SLC29A3: variants seen among roughly 807,000 people sequenced by gnomAD.
SLC29A3 encodes equilibrative nucleoside transporter 3.
SLC29A3 carries 18 observed loss-of-function variants against 25.4 expected under a neutral mutation model. The ratio of observed to expected loss-of-function variants is 0.71; its 90% CI spans 0.49 to 1.05. The LOEUF (loss-of-function observed/expected upper bound fraction) is 1.05. Among genes scored for constraint, SLC29A3 ranks in the 50% least tolerant of loss-of-function variants. SLC29A3 has a pLI of 0.00. For missense variants in SLC29A3, 586 were observed against 609.0 expected, an observed-to-expected ratio of 0.96 and a Z score of 0.40; for synonymous variants, 258 against 267.1, an observed-to-expected ratio of 0.97 and a Z score of 0.33.
intron 1 of SLC29A3, among the ~76,000 whole-genome samples, chr10:71,321,834 G>A (rs984766740): frequency 1.3e-5 from 2 of 152,218 alleles, no homozygotes; most frequent in African/African-American, 2.4e-5. Context: ...TGTAGGGTGT[G>A]ATGAGCAGAG....
At chr10:71,323,177 G>A in intron 2 of SLC29A3, 123 bp downstream of exon 2, 1 of 1,293,042 alleles carries the variant, frequency 7.7e-7, no homozygotes, top group Non-Finnish European at 1.1e-6. Flanking sequence ...GTTTAGCTTG[G>A]GAAGAAGATG....
chr10:71,344,804 C>T (rs1846521389), intron 3 of SLC29A3, among the ~76,000 whole-genome samples: 2 of 152,192 alleles, frequency 1.3e-5, no homozygotes, highest in Admixed American at 6.5e-5. Context: ...CATAGACCCC[C>T]GTGGGTGACT....
chr10:71,322,647 C>G, intron 1 of SLC29A3, 109 bp from the exon 2 acceptor site: 1 of 1,325,258 alleles, frequency 7.5e-7, no homozygotes, highest in Non-Finnish European at 1.1e-6. Flanking sequence ...TTACAGAGCC[C>G]AGGGTGAGGG....
intron 2 of SLC29A3, among the ~76,000 whole-genome samples, chr10:71,342,650 C>T (rs985855307): frequency 2.0e-5 from 3 of 152,238 alleles, no homozygotes; most frequent in Non-Finnish European, 2.9e-5. Flanking sequence ...GCAGCCCTCT[C>T]CTCCTAAGGG....
At chr10:71,340,653 T>A (rs1181421040) in intron 2 of SLC29A3, among the ~76,000 whole-genome samples, 1 of 152,240 alleles carries the variant, frequency 6.6e-6, no homozygotes, top group Non-Finnish European at 1.5e-5. Context: ...GGGGCAGTCT[T>A]GTTACCATCC....
intron 2 of SLC29A3, among the ~76,000 whole-genome samples, chr10:71,333,839 G>A (rs940365759): frequency 6.6e-6 from 1 of 152,218 alleles, no homozygotes; most frequent in African/African-American, 2.4e-5. Context: ...CTCGTGCATG[G>A]ATCCGTGAGG....
At chr10:71,351,366 A>G (rs1846753008) in intron 3 of SLC29A3, among the ~76,000 whole-genome samples, 196 bp from the exon 4 acceptor site, 2 of 152,220 alleles carry the variant, frequency 1.3e-5, no homozygotes, top group African/African-American at 4.8e-5. Flanking sequence ...AGCTGAAACC[A>G]GAGCAACTGA....
At chr10:71,363,813 CT>C (rs557109219), downstream of SLC29A3, among the ~76,000 whole-genome samples, 15 of 118,200 alleles carry the variant, frequency 1.3e-4, no homozygotes, top group Admixed American at 2.9e-4. Context: ...TTTTTCTTTT[CT>C]TTTTTTTTTT....
At chr10:71,353,988 G>A (rs1846829746) in intron 4 of SLC29A3, among the ~76,000 whole-genome samples, 1 of 152,176 alleles carries the variant, frequency 6.6e-6, no homozygotes. Flanking sequence ...GGCAGCTGGG[G>A]AGTGTCTTAC....
intron 5 of SLC29A3, among the ~76,000 whole-genome samples, chr10:71,361,080 G>A (rs2131850089): frequency 6.6e-6 from 1 of 152,310 alleles, no homozygotes; most frequent in East Asian, 1.9e-4. Context: ...ATGTAACTGT[G>A]TGAGTGTTGT....
At chr10:71,369,112 G>A (rs2248674) in intron 3 of SLC29A3, among the ~76,000 whole-genome samples, 136,453 of 152,270 alleles carry the variant, frequency 0.9, 61,605 homozygotes, top group Middle Eastern at 0.95. Flanking sequence ...CCCCTGTGCC[G>A]TGTGAGAACA....
At chr10:71,366,538 G>T (rs1847171942), downstream of SLC29A3, among the ~76,000 whole-genome samples, 1 of 152,122 alleles carries the variant, frequency 6.6e-6, no homozygotes, top group African/African-American at 2.4e-5. Context: ...CAACCAGTGG[G>T]TGACAGGGAT....
intron 2 of SLC29A3, among the ~76,000 whole-genome samples, chr10:71,339,423 A>C (rs1846337672): frequency 1.3e-5 from 2 of 152,182 alleles, no homozygotes; most frequent in Admixed American, 6.5e-5. Flanking sequence ...GGGAGATCAG[A>C]TCTCACATTC....
rs185779852 is a variant in SLC29A3, at chr10:71,362,733, G to A, written c.*125G>A. On this transcript the variant is annotated 3_prime_UTR_variant, in exon 6 of 6. Transcript: ENST00000373189. The stretch of plus-strand genomic sequence containing the variant: ...TGGGGACAGAGAGCAGAGCACACTC[G>A]GGCCTCATCCCTCCCAAGATGCCAG... 31 of 1,301,872 alleles carry A rather than the reference G, an allele frequency of 2.4e-5. No homozygotes were observed. In the East Asian group the frequency reaches 3.6e-4, roughly 15 times the overall value. 80.6% of individuals were successfully genotyped at this position (1,301,872 alleles called of 1,614,324 possible).
At chr10:71,351,879 A>T (rs1275514365) in intron 4 of SLC29A3, 91 bp downstream of exon 4, 15 of 1,133,856 alleles carry the variant, frequency 1.3e-5, no homozygotes, top group Non-Finnish European at 1.7e-5. Flanking sequence ...GCCTTTTCTG[A>T]AAAGGAAATG....
chr10:71,359,433 G>A (rs1231177939), intron 5 of SLC29A3, among the ~76,000 whole-genome samples: 5 of 152,196 alleles, frequency 3.3e-5, no homozygotes, highest in African/African-American at 1.2e-4. Flanking sequence ...AGAGGAACTT[G>A]GTGGGGAATT....
chr10:71,360,206 C>T (rs1343946227), intron 5 of SLC29A3, among the ~76,000 whole-genome samples: 7 of 124,962 alleles, frequency 5.6e-5, no homozygotes, highest in Admixed American at 2.1e-4. Context: ...TGCAGTGATG[C>T]GGTCTTGGCT....
chr10:71,346,130 G>A (rs1331186575), intron 3 of SLC29A3, among the ~76,000 whole-genome samples: 1 of 152,228 alleles, frequency 6.6e-6, no homozygotes, highest in African/African-American at 2.4e-5. Flanking sequence ...CCATGGGACA[G>A]CTGAGTCTGC....
At chr10:71,355,940 T>C in intron 4 of SLC29A3, 141 bp from the exon 5 acceptor site, 1 of 922,786 alleles carries the variant, frequency 1.1e-6, no homozygotes, top group Non-Finnish European at 1.7e-6. Flanking sequence ...TCTCTGAGGC[T>C]TCAGGACACT....
Sources: allele counts gnomAD v4.1 joint callset (sites outside exome capture counted in the v4.1 genomes callset), GRCh38; gene constraint gnomAD v4.1.1; transcripts MANE v1.5; gene names NCBI Gene and HGNC (gene_info 2026-07-23, HGNC 2026-07-21).